CNTNAP5: variants seen among roughly 807,000 people sequenced by gnomAD.
CNTNAP5 encodes the protein contactin associated protein family member 5.
Under a neutral mutation model 150.2 loss-of-function variants are expected in CNTNAP5, and 72 were observed. The ratio of observed to expected loss-of-function variants is 0.48; its 90% confidence interval spans 0.40 to 0.58. The LOEUF (loss-of-function observed/expected upper bound fraction) is 0.58. Ranked by LOEUF, CNTNAP5 falls within the 20% of genes least tolerant of loss-of-function variation. The pLI is 0.00. For missense variants in CNTNAP5, 1,636 were observed against 1,626.2 expected, an observed-to-expected ratio of 1.01 and a Z score of -0.10; for synonymous variants, 672 against 619.8, an observed-to-expected ratio of 1.08 and a Z score of -1.25.
intron 17 of CNTNAP5, among the ~76,000 whole-genome samples, chr2:124,782,732 T>C (rs1681481747): frequency 6.6e-6 from 1 of 152,104 alleles, no homozygotes; most frequent in African/African-American, 2.4e-5. Context: ...GGAGTATAAA[T>C]CGAAACAGTT....
intron 19 of CNTNAP5, among the ~76,000 whole-genome samples, chr2:124,845,039 C>A (rs972704864): frequency 2.6e-5 from 4 of 152,046 alleles, no homozygotes; most frequent in Admixed American, 6.6e-5. Flanking sequence ...TAAAAGTGGG[C>A]ATCCTTGTCT....
chr2:124,492,860 AT>A (rs1460988467), intron 7 of CNTNAP5, among the ~76,000 whole-genome samples: 1 of 152,104 alleles, frequency 6.6e-6, no homozygotes, highest in Non-Finnish European at 1.5e-5. Flanking sequence ...GTTCTAGCAA[AT>A]TTTTGGTGGA....
chr2:124,492,392 T>A (rs1359951222), intron 7 of CNTNAP5, among the ~76,000 whole-genome samples: 1 of 152,196 alleles, frequency 6.6e-6, no homozygotes, highest in African/African-American at 2.4e-5. Context: ...CACTGTGCAA[T>A]AAGTTTATTT....
chr2:124,611,609 A>T (rs1438998857), intron 12 of CNTNAP5, among the ~76,000 whole-genome samples: 1 of 152,010 alleles, frequency 6.6e-6, no homozygotes, highest in Non-Finnish European at 1.5e-5. Flanking sequence ...TAACATATGG[A>T]CTCTTGCTAA....
chr2:124,899,085 A>G (rs1678364839), intron 21 of CNTNAP5, among the ~76,000 whole-genome samples: 1 of 151,532 alleles, frequency 6.6e-6, no homozygotes, highest in African/African-American at 2.4e-5. Flanking sequence ...ATGTCACGTT[A>G]AACATCTTGA....
At position 124,916,821 on chromosome 2, in the gene CNTNAP5, G is replaced by A. The variant is rs542033321; in HGVS notation, c.*2533G>A. Among the ~76,000 whole-genome samples, 4 of 152,044 alleles carry A rather than the reference G, an allele frequency of 2.6e-5. No individual in the cohort carries two copies. Among genetic ancestry groups the A allele is most frequent in the Admixed American group, 2.0e-4 (3 of 15,248 alleles). On this transcript the variant is annotated 3_prime_UTR_variant, in exon 24 of 24. Transcript: ENST00000682447. ...GATGCCAGGACAGTGCCGTCTACAC[G>A]TCACTCCTATAAGTAGTCTCAGGGC...
chr2:124,293,227 C>A (rs1221112221), intron 3 of CNTNAP5, among the ~76,000 whole-genome samples: 1 of 151,934 alleles, frequency 6.6e-6, no homozygotes, highest in African/African-American at 2.4e-5. Context: ...TACTGTAGAT[C>A]ATTTAGGATA....
At chr2:124,614,712 C>T (rs896388864) in intron 12 of CNTNAP5, among the ~76,000 whole-genome samples, 32 of 152,088 alleles carry the variant, frequency 2.1e-4, no homozygotes, top group African/African-American at 7.2e-4. Context: ...GTCACCATCT[C>T]GGTTTTGGTG....
chr2:124,775,558 C>T (rs1009109838), intron 17 of CNTNAP5, among the ~76,000 whole-genome samples: 2 of 152,132 alleles, frequency 1.3e-5, no homozygotes, highest in African/African-American at 4.8e-5. Context: ...TTCCTGAGTA[C>T]CAGAAATAGG....
At chr2:124,650,122 T>C (rs1427921701) in intron 13 of CNTNAP5, among the ~76,000 whole-genome samples, 1 of 152,180 alleles carries the variant, frequency 6.6e-6, no homozygotes, top group East Asian at 1.9e-4. Context: ...TTTTTGTGCA[T>C]GAGGGTCTTC....
chr2:124,025,714 G>A lies in CNTNAP5; in HGVS notation c.64G>A (p.Gly22Arg). 3 of 1,613,704 alleles carry A rather than the reference G, an allele frequency of 1.9e-6. No individual in the cohort carries two copies. The highest frequency in any genetic ancestry group is 1.7e-6 in the Non-Finnish European group (2 of 1,179,730). The change falls in exon 1 of 24, where the codon GGA becomes AGA. Residue 22 changes from glycine to arginine, a missense_variant. Transcript: ENST00000682447. ...GCTGTTCTCTGGCTTGTGGCATTTA[G>A]GATTAACAGCGACAAACTGTGAGTA... ...TLLFSGLWHL[G>R]LTATNYNCDD...
At chr2:124,293,283 T>C (rs1246589770) in intron 3 of CNTNAP5, among the ~76,000 whole-genome samples, 1 of 152,092 alleles carries the variant, frequency 6.6e-6, no homozygotes, top group East Asian at 1.9e-4. Context: ...TATCTCTCCC[T>C]TTGCAATTCT....
chr2:124,903,997 T>C (rs1678473400), intron 22 of CNTNAP5, among the ~76,000 whole-genome samples: 1 of 138,050 alleles, frequency 7.2e-6, no homozygotes, highest in Admixed American at 8.1e-5. Flanking sequence ...GAGGTTGCAG[T>C]GAGCCAAGAT....
intron 1 of CNTNAP5, among the ~76,000 whole-genome samples, chr2:124,092,998 C>T (rs1682850157): frequency 6.6e-6 from 1 of 152,158 alleles, no homozygotes; most frequent in Admixed American, 6.5e-5. Flanking sequence ...CAAAAGTCAG[C>T]GTTCACACAT....
At chr2:124,121,396 T>G (rs542273246) in intron 1 of CNTNAP5, among the ~76,000 whole-genome samples, 1 of 152,314 alleles carries the variant, frequency 6.6e-6, no homozygotes, top group East Asian at 1.9e-4. Flanking sequence ...CTTAGCATGC[T>G]TGTGTTCCTG....
At chr2:124,505,401 T>A (rs1423338285) in intron 8 of CNTNAP5, among the ~76,000 whole-genome samples, 1 of 152,176 alleles carries the variant, frequency 6.6e-6, no homozygotes, top group Non-Finnish European at 1.5e-5. Context: ...GAAGTTTGTA[T>A]AACCCCTAAA....
chr2:124,209,159 C>T (rs1300665477), intron 1 of CNTNAP5, among the ~76,000 whole-genome samples: 1 of 152,166 alleles, frequency 6.6e-6, no homozygotes, highest in Non-Finnish European at 1.5e-5. Flanking sequence ...CATCAGACTT[C>T]AAGGCCCTAC....
At chr2:124,790,371 G>A (rs537775210) in intron 18 of CNTNAP5, among the ~76,000 whole-genome samples, 4 of 152,186 alleles carry the variant, frequency 2.6e-5, no homozygotes, top group Admixed American at 2.0e-4. Flanking sequence ...CCCTGCCCAC[G>A]GCCAAAAAGT....
intron 13 of CNTNAP5, among the ~76,000 whole-genome samples, chr2:124,725,114 A>C (rs535987866): frequency 6.6e-6 from 1 of 152,138 alleles, no homozygotes; most frequent in African/African-American, 2.4e-5. Context: ...CAATGTTTAA[A>C]AAATCATTTA....
Sources: allele counts gnomAD v4.1 joint callset (sites outside exome capture counted in the v4.1 genomes callset), GRCh38; gene constraint gnomAD v4.1.1; transcripts MANE v1.5; gene names NCBI Gene and HGNC (gene_info 2026-07-23, HGNC 2026-07-21).